SPPL3: variants seen among roughly 807,000 people sequenced by gnomAD.
The protein encoded by SPPL3 is signal peptide peptidase-like 3.
SPPL3 carries 5 observed loss-of-function variants against 42.4 expected under a neutral mutation model. The ratio of observed to expected loss-of-function variants is 0.12; its 90% confidence interval spans 0.06 to 0.25. SPPL3 has a LOEUF of 0.25. Ranked by LOEUF, SPPL3 falls within the 10% of genes least tolerant of loss-of-function variation. SPPL3 has a pLI of 1.00. For synonymous variants in SPPL3, 195 were observed against 181.8 expected (o/e 1.07, Z -0.58); for missense variants, 235 against 489.0 (o/e 0.48, Z 4.90).
rs11432981 is a variant in SPPL3, at chr12:120,900,923, CAA to C, written c.23+2920_23+2921del. Among the ~76,000 whole-genome samples, 90 of 101,498 alleles carry C rather than the reference CAA, an allele frequency of 8.9e-4. No homozygotes were observed. The South Asian group carries it at 0.023, about 26-fold the overall frequency. The allele number at this position is 101,498 out of a possible 152,430, so 66.6% of individuals were successfully genotyped here. On this transcript the variant is annotated intron_variant, in intron 1 of 10. Transcript: ENST00000353487. ...GGCGAAAGAGTGAGACCCTGTCTCACAAAAAAAAAAAAAAAAAAAGTAATCAA... is the reference window on the plus strand; with the variant it reads ...GGCGAAAGAGTGAGACCCTGTCTCACAAAAAAAAAAAAAAAAAGTAATCAA...
At chr12:120,861,555 C>T (rs1388895102) in intron 1 of SPPL3, among the ~76,000 whole-genome samples, 1 of 152,198 alleles carries the variant, frequency 6.6e-6, no homozygotes, top group Non-Finnish European at 1.5e-5. Flanking sequence ...TGCATTACTA[C>T]TGTCAACTAC....
At chr12:120,868,670 C>T (rs918882158) in intron 1 of SPPL3, among the ~76,000 whole-genome samples, 4 of 151,970 alleles carry the variant, frequency 2.6e-5, no homozygotes, top group Admixed American at 6.6e-5. Flanking sequence ...TTAGTAGAGA[C>T]GGGGTTTCAC....
chr12:120,789,693 C>T (rs1020643109), intron 3 of SPPL3, among the ~76,000 whole-genome samples: 4 of 150,772 alleles, frequency 2.7e-5, no homozygotes, highest in South Asian at 2.1e-4. Flanking sequence ...GGCATGGTGG[C>T]GAGCGCCTGT....
chr12:120,828,896 C>T (rs1033746813), intron 1 of SPPL3, among the ~76,000 whole-genome samples: 1 of 151,928 alleles, frequency 6.6e-6, no homozygotes, highest in East Asian at 1.9e-4. Flanking sequence ...GCTGGGACTA[C>T]AGGTGTGTGC....
At position 120,764,983 on chromosome 12, in the gene SPPL3, C is replaced by T. The variant is rs752285252; in HGVS notation, c.*16G>A. 1.9e-6 allele frequency: 3 copies of T among 1,613,438 alleles called. No individual in the cohort carries two copies. Among genetic ancestry groups the T allele is most frequent in the African/African-American group, 2.7e-5 (2 of 74,926 alleles). On this transcript the variant is annotated 3_prime_UTR_variant, in exon 11 of 11. Transcript: ENST00000353487. Reference sequence around the variant, plus strand: ...AAGGACTATGACGGCCATCTGGTCACTTTCCACGTGATCCATCATACTTCC... The same window carrying T: ...AAGGACTATGACGGCCATCTGGTCATTTTCCACGTGATCCATCATACTTCC...
At chr12:120,772,025 C>CT (rs976951878) in intron 6 of SPPL3, among the ~76,000 whole-genome samples, 4 of 152,122 alleles carry the variant, frequency 2.6e-5, no homozygotes, top group Non-Finnish European at 4.4e-5. Context: ...TGCTGCTGCT[C>CT]TTTTTTTGTT....
intron 1 of SPPL3, among the ~76,000 whole-genome samples, chr12:120,813,825 A>G (rs1294472974): frequency 2.0e-5 from 3 of 152,150 alleles, no homozygotes; most frequent in African/African-American, 7.2e-5. Context: ...GAAACTGCCA[A>G]CTAATCTCTA....
chr12:120,845,858 T>C (rs1168732279), intron 1 of SPPL3, among the ~76,000 whole-genome samples: 2 of 147,302 alleles, frequency 1.4e-5, no homozygotes, highest in Non-Finnish European at 3.0e-5. Context: ...TTAGAATCCA[T>C]TATCTATCTA....
Position 120,887,845 on chromosome 12 carries a change from T to C in SPPL3, c.23+16000A>G, listed in dbSNP as rs1373955324. Among the ~76,000 whole-genome samples the C allele has an allele frequency of 4.6e-5, 7 of 152,118 alleles. No individual in the cohort carries two copies. The East Asian group carries it at 9.6e-4, about 21-fold the overall frequency. ...TTTACACTCACTAGGATAGCTATAA[T>C]TTAAAAGACAATAACAAGTGTTGGT... On this transcript the variant is annotated intron_variant, in intron 1 of 10. Transcript: ENST00000353487.
At chr12:120,799,595 G>T (rs899584012) in intron 2 of SPPL3, among the ~76,000 whole-genome samples, 1 of 152,154 alleles carries the variant, frequency 6.6e-6, no homozygotes, top group Non-Finnish European at 1.5e-5. Flanking sequence ...TGGAGGACTG[G>T]TAAGGAGAGC....
At chr12:120,815,215 A>T (rs1207671098) in intron 1 of SPPL3, among the ~76,000 whole-genome samples, 1 of 152,176 alleles carries the variant, frequency 6.6e-6, no homozygotes, top group African/African-American at 2.4e-5. Flanking sequence ...CCCTACAGAG[A>T]GGTTATACCA....
intron 1 of SPPL3, among the ~76,000 whole-genome samples, chr12:120,878,165 A>C (rs1007678673): frequency 1.3e-5 from 2 of 152,206 alleles, no homozygotes; most frequent in African/African-American, 2.4e-5. Context: ...TAATTAAAAC[A>C]ACAAAAAGTA....
At chr12:120,803,043 C>T (rs1870372160) in intron 2 of SPPL3, among the ~76,000 whole-genome samples, 2 of 152,256 alleles carry the variant, frequency 1.3e-5, no homozygotes, top group Admixed American at 6.5e-5. Flanking sequence ...TTATGAAGGT[C>T]GTTAGGATAA....
chr12:120,882,868 G>T (rs1457732254), intron 1 of SPPL3, among the ~76,000 whole-genome samples: 2 of 152,020 alleles, frequency 1.3e-5, no homozygotes, highest in Admixed American at 1.3e-4. Context: ...ACTCCAGCCT[G>T]GGCAACAGAG....
At chr12:120,881,102 C>T (rs1873265547) in intron 1 of SPPL3, among the ~76,000 whole-genome samples, 1 of 151,960 alleles carries the variant, frequency 6.6e-6, no homozygotes, top group Non-Finnish European at 1.5e-5. Context: ...AAAACTGAAA[C>T]CCTTATACAT....
chr12:120,772,702 T>C (rs1338682250), intron 6 of SPPL3, among the ~76,000 whole-genome samples: 1 of 152,176 alleles, frequency 6.6e-6, no homozygotes, highest in Non-Finnish European at 1.5e-5. Flanking sequence ...ATCAACTAAA[T>C]TACTGTTTCA....
At chr12:120,890,574 G>C (rs1593013596) in intron 1 of SPPL3, among the ~76,000 whole-genome samples, 2 of 132,196 alleles carry the variant, frequency 1.5e-5, no homozygotes, top group Admixed American at 1.7e-4. Context: ...GGGCGACAGA[G>C]CCAGACTCCG....
At position 120,859,430 on chromosome 12, in the gene SPPL3, C is replaced by T. The variant is rs777529401; in HGVS notation, c.23+44415G>A. Among the ~76,000 whole-genome samples, 7 of 152,126 alleles carry T rather than the reference C, an allele frequency of 4.6e-5. 1 individual carries two copies. Among genetic ancestry groups the T allele is most frequent in the African/African-American group, 7.2e-5 (3 of 41,428 alleles). On this transcript the variant is annotated intron_variant, in intron 1 of 10. Transcript: ENST00000353487. ...CAAAGATGACTGAATCTATGTAAAT[C>T]GTCTTTTCAAGCAATAACTGAAGTT...
intron 2 of SPPL3, among the ~76,000 whole-genome samples, chr12:120,805,318 G>T (rs890955408): frequency 6.6e-6 from 1 of 152,130 alleles, no homozygotes; most frequent in Non-Finnish European, 1.5e-5. Flanking sequence ...AAGAACACAT[G>T]ATAAAATCCA....
Sources: allele counts gnomAD v4.1 joint callset (sites outside exome capture counted in the v4.1 genomes callset), GRCh38; gene constraint gnomAD v4.1.1; transcripts MANE v1.5; gene names NCBI Gene and HGNC (gene_info 2026-07-23, HGNC 2026-07-21).